The following SASH1 variants were observed in gnomAD, a reference collection of about 807,000 sequenced individuals.
SASH1 encodes SAM and SH3 domain containing 1.
In SASH1, 44 loss-of-function variants were observed where a neutral mutation model predicts 125.2. The ratio of observed to expected loss-of-function variants is 0.35; its 90% CI spans 0.28 to 0.45. SASH1 has a LOEUF of 0.45. SASH1 is among the 20% of genes least tolerant of loss of function. The pLI is 1.00. For missense variants in SASH1, 1,426 were observed against 1,614.5 expected (o/e 0.88, Z 2.00); for synonymous variants, 639 against 649.1 (o/e 0.98, Z 0.24).
the SASH1 span, among the ~76,000 whole-genome samples, chr6:148,196,520 G>C: frequency 3.3e-5 from 5 of 152,158 alleles, no homozygotes; most frequent in Admixed American, 1.3e-4. Flanking sequence ...CTCCTCCCAA[G>C]AGACCCCAGC....
intron 8 of SASH1, among the ~76,000 whole-genome samples, chr6:148,502,536 C>T (rs958974841): frequency 7.9e-5 from 12 of 152,224 alleles, no homozygotes; most frequent in African/African-American, 2.9e-4. Context: ...GCCCCAGAGT[C>T]AGTGCAGTGC....
At chr6:148,222,546 C>A in the SASH1 span, among the ~76,000 whole-genome samples, 1 of 152,016 alleles carries the variant, frequency 6.6e-6, no homozygotes, top group Non-Finnish European at 1.5e-5. Flanking sequence ...ACTACATAAG[C>A]CTCTGACTTC....
chr6:148,219,873 C>G, the SASH1 span, among the ~76,000 whole-genome samples: 7 of 152,136 alleles, frequency 4.6e-5, no homozygotes, highest in African/African-American at 1.4e-4. Flanking sequence ...GGGGAGGGTC[C>G]GGGATGGGAG....
chr6:148,487,092 TACACACAC>T (rs1186673454), intron 7 of SASH1, among the ~76,000 whole-genome samples: 1 of 118,708 alleles, frequency 8.4e-6, no homozygotes, highest in Admixed American at 8.8e-5. Flanking sequence ...CACATATATA[TACACACAC>T]ACACACACAC....
At chr6:148,449,520 T>C (rs1256021821) in intron 4 of SASH1, among the ~76,000 whole-genome samples, 2 of 151,952 alleles carry the variant, frequency 1.3e-5, no homozygotes, top group Non-Finnish European at 2.9e-5. Flanking sequence ...CCCGAGTAGC[T>C]GGGATTACAG....
At chr6:148,287,843 G>C (rs745340630) in intron 1 of SASH1, among the ~76,000 whole-genome samples, 1 of 152,096 alleles carries the variant, frequency 6.6e-6, no homozygotes, top group East Asian at 1.9e-4. Context: ...GACATCTCCC[G>C]TCTCCCAAGC....
At chr6:148,260,197 A>T in the SASH1 span, among the ~76,000 whole-genome samples, 1 of 152,232 alleles carries the variant, frequency 6.6e-6, no homozygotes, top group East Asian at 1.9e-4. Flanking sequence ...ATACTAAAAG[A>T]ACAGAGGTCA....
At chr6:148,448,592 C>G (rs1157075312) in intron 4 of SASH1, among the ~76,000 whole-genome samples, 1 of 152,182 alleles carries the variant, frequency 6.6e-6, no homozygotes, top group Non-Finnish European at 1.5e-5. Context: ...CTCTGTGCAG[C>G]TCTGCCCACC....
intron 1 of SASH1, among the ~76,000 whole-genome samples, chr6:148,274,269 A>G (rs1779132610): frequency 6.6e-6 from 1 of 152,182 alleles, no homozygotes; most frequent in African/African-American, 2.4e-5. Flanking sequence ...CTCATCAAAA[A>G]TCTTCCAACA....
At chr6:148,445,268 C>T (rs1776722809) in intron 4 of SASH1, among the ~76,000 whole-genome samples, 1 of 152,186 alleles carries the variant, frequency 6.6e-6, no homozygotes, top group Non-Finnish European at 1.5e-5. Context: ...TCTGGGAATG[C>T]AGCCCAGCAG....
chr6:148,485,801 T>TCCAGGGCTTCGGGATTG (rs1473011219), intron 7 of SASH1, among the ~76,000 whole-genome samples: 2 of 152,304 alleles, frequency 1.3e-5, no homozygotes, highest in Admixed American at 1.3e-4. Context: ...ATCCTCAAGC[T>TCCAGGGCTTCGGGATTG]CCAGGGCTTC....
Position 148,487,092 on chromosome 6 carries a change from TACAC to T in SASH1, c.628-504_628-501del, listed in dbSNP as rs1186673454. 1.2e-4 allele frequency among the ~76,000 whole-genome samples: 14 copies of T among 118,718 alleles called. No individual in the cohort carries two copies. The East Asian group carries it at 3.3e-3, about 28-fold the overall frequency. 77.9% of individuals were successfully genotyped at this position (118,718 alleles called of 152,430 possible). A position where few individuals can be genotyped will look rare whatever the true frequency, so the allele number is the denominator to read the frequency against. On this transcript the variant is annotated intron_variant, in intron 7 of 19. Coordinates refer to ENST00000367467, the MANE Select transcript of SASH1 (RefSeq NM_015278.5). Reference sequence around the variant, plus strand: ...AATATATATATATAACACATATATATACACACACACACACACACACATATATATA... The same window carrying T: ...AATATATATATATAACACATATATATACACACACACACACACATATATATA...
At chr6:148,514,518 A>G in intron 9 of SASH1, 62 bp downstream of exon 9, 1 of 1,400,924 alleles carries the variant, frequency 7.1e-7, no homozygotes, top group Non-Finnish European at 9.3e-7. Flanking sequence ...TCCAAAAGAA[A>G]TCATTTGGGG....
intron 7 of SASH1, among the ~76,000 whole-genome samples, chr6:148,476,533 T>C (rs1008319073): frequency 6.6e-6 from 1 of 151,996 alleles, no homozygotes; most frequent in African/African-American, 2.4e-5. Context: ...AATACAAAAA[T>C]TAGCCAGGCG....
intron 2 of SASH1, among the ~76,000 whole-genome samples, chr6:148,433,053 C>T (rs1436412000): frequency 1.3e-5 from 2 of 152,266 alleles, no homozygotes; most frequent in East Asian, 3.9e-4. Context: ...TTTCATCTTG[C>T]AATACTTGGG....
At chr6:148,426,380 A>G (rs2114962226) in intron 2 of SASH1, among the ~76,000 whole-genome samples, 1 of 152,180 alleles carries the variant, frequency 6.6e-6, no homozygotes, top group Middle Eastern at 3.4e-3. Context: ...AGGCTTTCCC[A>G]TGTTTATATT....
intron 18 of SASH1, among the ~76,000 whole-genome samples, chr6:148,545,791 T>C (rs1352039116): frequency 2.0e-5 from 3 of 152,242 alleles, no homozygotes; most frequent in Non-Finnish European, 4.4e-5. Flanking sequence ...ATTCAAACTT[T>C]TGGGTTGGGT....
intron 8 of SASH1, among the ~76,000 whole-genome samples, chr6:148,494,892 C>G (rs1318480085): frequency 6.6e-6 from 1 of 152,180 alleles, no homozygotes; most frequent in Non-Finnish European, 1.5e-5. Context: ...ACTAAAATAT[C>G]CCCAGATTAT....
At chr6:148,310,424 G>GAAAA (rs5880770) in intron 1 of SASH1, among the ~76,000 whole-genome samples, 1 of 141,224 alleles carries the variant, frequency 7.1e-6, no homozygotes. Context: ...ATCCATATGT[G>GAAAA]AAAAAAAAAA....
Sources: allele counts gnomAD v4.1 joint callset (sites outside exome capture counted in the v4.1 genomes callset), GRCh38; gene constraint gnomAD v4.1.1; transcripts MANE v1.5; gene names NCBI Gene and HGNC (gene_info 2026-07-23, HGNC 2026-07-21).